The following CRB1 variants were observed in gnomAD, a reference collection of about 807,000 sequenced individuals.
CRB1 encodes crumbs cell polarity complex component 1, also known as protein crumbs homolog 1.
CRB1 carries 83 observed loss-of-function variants against 120.0 expected under a neutral mutation model. The ratio of observed to expected loss-of-function variants is 0.69; its 90% CI spans 0.58 to 0.83. The LOEUF (loss-of-function observed/expected upper bound fraction) is 0.83. CRB1 is among the 40% of genes least tolerant of loss of function. The pLI is 0.00. For synonymous variants in CRB1, 625 were observed against 612.5 expected, an observed-to-expected ratio of 1.02 and a Z score of -0.30; for missense variants, 1,699 against 1,687.6, an observed-to-expected ratio of 1.01 and a Z score of -0.12.
chr1:197,239,576 T>G, the CRB1 span, among the ~76,000 whole-genome samples: 1 of 152,010 alleles, frequency 6.6e-6, no homozygotes, highest in African/African-American at 2.4e-5. Flanking sequence ...TATATTGTCA[T>G]AGTTTGTGTG....
At chr1:197,281,897 A>C (rs1214491474) in intron 1 of CRB1, among the ~76,000 whole-genome samples, 3 of 151,806 alleles carry the variant, frequency 2.0e-5, no homozygotes, top group Non-Finnish European at 4.4e-5. Context: ...GAAAATATCC[A>C]GCAGGCAGTT....
At position 197,269,838 on chromosome 1, in the gene CRB1, A is replaced by G. The variant is rs1225797709; in HGVS notation, c.70+1356A>G. On this transcript the variant is annotated intron_variant, in intron 1 of 11. Transcript: ENST00000367400. ...GTATAGTAACTATGAATTGATAAATATATATCATTTGTTTTTGCTCTCTTT... is the reference window on the plus strand; with the variant it reads ...GTATAGTAACTATGAATTGATAAATGTATATCATTTGTTTTTGCTCTCTTT... Among the ~76,000 whole-genome samples, 6 of 152,182 alleles carry G rather than the reference A, an allele frequency of 3.9e-5. 1 individual carries two copies. The highest frequency in any genetic ancestry group is 8.8e-5 in the Non-Finnish European group (6 of 68,036).
intron 1 of CRB1, among the ~76,000 whole-genome samples, chr1:197,312,775 G>T (rs1178161606): frequency 3.3e-5 from 5 of 151,678 alleles, no homozygotes; most frequent in Middle Eastern, 3.2e-3. Context: ...TATATCAACT[G>T]CATTAATCCC....
intron 11 of CRB1, among the ~76,000 whole-genome samples, chr1:197,451,366 A>C (rs2125530355): frequency 6.6e-6 from 1 of 152,338 alleles, no homozygotes; most frequent in Middle Eastern, 3.4e-3. Context: ...TGTAGTACAC[A>C]GGGCTAAATA....
chr1:197,323,231 A>G (rs1283213087), intron 1 of CRB1, among the ~76,000 whole-genome samples: 1 of 152,202 alleles, frequency 6.6e-6, no homozygotes, highest in Non-Finnish European at 1.5e-5. Context: ...ATTGTGTATA[A>G]TAAAACTTAG....
At chr1:197,334,756 C>T (rs767858044) in intron 2 of CRB1, among the ~76,000 whole-genome samples, 18 of 152,040 alleles carry the variant, frequency 1.2e-4, no homozygotes, top group Admixed American at 2.0e-4. Context: ...AAATATTTGT[C>T]GAATTCATTA....
At chr1:197,380,015 C>T (rs1235228441) in intron 5 of CRB1, among the ~76,000 whole-genome samples, 1 of 152,148 alleles carries the variant, frequency 6.6e-6, no homozygotes, top group African/African-American at 2.4e-5. Context: ...ATGACCATCT[C>T]ACTTTGTGAT....
intron 11 of CRB1, among the ~76,000 whole-genome samples, chr1:197,456,511 G>T (rs1666292497): frequency 6.6e-6 from 1 of 152,102 alleles, no homozygotes; most frequent in African/African-American, 2.4e-5. Flanking sequence ...TTTACAGGAT[G>T]AAAAAGGCAA....
intron 1 of CRB1, among the ~76,000 whole-genome samples, chr1:197,327,254 G>T (rs1658571407): frequency 6.6e-6 from 1 of 152,010 alleles, no homozygotes; most frequent in Admixed American, 6.5e-5. Flanking sequence ...TCAATGAAAA[G>T]ATTGATAATA....
At chr1:197,277,181 A>G (rs1655257517) in intron 1 of CRB1, among the ~76,000 whole-genome samples, 1 of 151,962 alleles carries the variant, frequency 6.6e-6, no homozygotes. Context: ...AAATGTTTAT[A>G]GTTTCAACCA....
At chr1:197,240,533 C>A in the CRB1 span, among the ~76,000 whole-genome samples, 1 of 152,106 alleles carries the variant, frequency 6.6e-6, no homozygotes, top group South Asian at 2.1e-4. Context: ...CATGTCCCTG[C>A]AAAGGACATG....
At chr1:197,304,888 A>G (rs1657075109) in intron 1 of CRB1, among the ~76,000 whole-genome samples, 1 of 152,160 alleles carries the variant, frequency 6.6e-6, no homozygotes, top group Admixed American at 6.5e-5. Context: ...CAATGGTGGC[A>G]GTGACACAGA....
the CRB1 span, among the ~76,000 whole-genome samples, chr1:197,248,255 G>T: frequency 6.6e-6 from 1 of 151,988 alleles, no homozygotes; most frequent in Non-Finnish European, 1.5e-5. Context: ...CTGCTAATTT[G>T]TTGTAAAGTT....
chr1:197,369,384 T>TAC (rs1489310318), intron 5 of CRB1, among the ~76,000 whole-genome samples: 1 of 151,924 alleles, frequency 6.6e-6, no homozygotes, highest in African/African-American at 2.4e-5. Flanking sequence ...ACACGCACAT[T>TAC]CACCTAGAGC....
chr1:197,232,394 G>T, the CRB1 span, among the ~76,000 whole-genome samples: 46 of 152,222 alleles, frequency 3.0e-4, no homozygotes, highest in South Asian at 8.7e-3. Context: ...AGATAAAATG[G>T]TAATGCTTAA....
chr1:197,437,154 G>A (rs1012676069), intron 9 of CRB1, among the ~76,000 whole-genome samples: 5 of 152,036 alleles, frequency 3.3e-5, no homozygotes, highest in Admixed American at 6.6e-5. Context: ...CCAGAACTTC[G>A]GCAAGAACAC....
chr1:197,379,767 T>C (rs555747120), intron 5 of CRB1, among the ~76,000 whole-genome samples: 12 of 152,308 alleles, frequency 7.9e-5, no homozygotes, highest in Non-Finnish European at 1.2e-4. Flanking sequence ...TTTCATAAGA[T>C]GGAAGATTTA....
At chr1:197,319,449 A>AG (rs1285698635) in intron 1 of CRB1, among the ~76,000 whole-genome samples, 1 of 148,282 alleles carries the variant, frequency 6.7e-6, no homozygotes, top group African/African-American at 2.5e-5. Context: ...AAAAAAAAAA[A>AG]AAAAAAAAAG....
intron 8 of CRB1, among the ~76,000 whole-genome samples, chr1:197,434,389 A>G (rs1481941860): frequency 3.3e-5 from 5 of 152,174 alleles, no homozygotes; most frequent in Non-Finnish European, 7.4e-5. Flanking sequence ...AAAGAAATGT[A>G]TAGTTTTGGT....
Sources: allele counts gnomAD v4.1 joint callset (sites outside exome capture counted in the v4.1 genomes callset), GRCh38; gene constraint gnomAD v4.1.1; transcripts MANE v1.5; gene names NCBI Gene and HGNC (gene_info 2026-07-23, HGNC 2026-07-21).